BCL7C: variants seen among roughly 807,000 people sequenced by gnomAD.
BCL7C encodes BAF chromatin remodeling complex subunit BCL7C, also known as B-cell CLL/lymphoma 7 protein family member C.
BCL7C carries 8 observed loss-of-function variants against 26.2 expected under a neutral mutation model. The observed-to-expected ratio is 0.30, with a 90% CI of 0.18 to 0.55. The LOEUF (loss-of-function observed/expected upper bound fraction) is 0.55. Among genes scored for constraint, BCL7C ranks in the 20% least tolerant of loss-of-function variants. BCL7C has a pLI of 0.93. For synonymous variants in BCL7C, 90 were observed against 116.5 expected (o/e 0.77, Z 1.47); for missense variants, 262 against 298.5 (o/e 0.88, Z 0.90).
At chr16:30,844,977 G>A (rs2054625371) in intron 5 of BCL7C, among the ~76,000 whole-genome samples, 1 of 152,044 alleles carries the variant, frequency 6.6e-6, no homozygotes, top group Non-Finnish European at 1.5e-5. Context: ...GTTTTTCAGG[G>A]GCAGATCCCA....
chr16:30,891,972 G>T lies in BCL7C; in HGVS notation c.442+614C>A, dbSNP rs571669493. On this transcript the variant is annotated intron_variant, in intron 4 of 5. Coordinates refer to ENST00000215115, the MANE Select transcript of BCL7C (RefSeq NM_004765.4). Reference sequence around the variant, plus strand: ...GAGACCTTGTCTCTAAAAAAAAGGGGGGGGAGGGCCGGGTGTGGGTGTGAT... The same window carrying T: ...GAGACCTTGTCTCTAAAAAAAAGGGTGGGGAGGGCCGGGTGTGGGTGTGAT... Among the ~76,000 whole-genome samples the T allele has an allele frequency of 1.1e-4, 17 of 150,160 alleles. No individual in the cohort carries two copies. The South Asian group carries it at 2.5e-3, about 23-fold the overall frequency.
chr16:30,874,253 C>T (rs951086923), intron 5 of BCL7C, among the ~76,000 whole-genome samples: 1 of 152,044 alleles, frequency 6.6e-6, no homozygotes, highest in Non-Finnish European at 1.5e-5. Flanking sequence ...GACGTGGCCT[C>T]TTAAAGTGCT....
At chr16:30,891,418 T>C (rs1034884195) in intron 4 of BCL7C, among the ~76,000 whole-genome samples, 2 of 151,990 alleles carry the variant, frequency 1.3e-5, no homozygotes, top group African/African-American at 4.8e-5. Flanking sequence ...GCCAAGATTG[T>C]GCCGTCGCAC....
At chr16:30,885,799 G>A (rs1488187157), downstream of BCL7C, among the ~76,000 whole-genome samples, 1 of 152,178 alleles carries the variant, frequency 6.6e-6, no homozygotes, top group Non-Finnish European at 1.5e-5. Context: ...GGCTTCCCTG[G>A]ACAGCACTGG....
At chr16:30,882,935 G>A (rs1393357132), downstream of BCL7C, among the ~76,000 whole-genome samples, 11 of 152,192 alleles carry the variant, frequency 7.2e-5, no homozygotes, top group Non-Finnish European at 1.6e-4. Flanking sequence ...CTGGCTCCTG[G>A]GATGGTAGGA....
chr16:30,836,161 C>T (rs536808407), intron 5 of BCL7C, among the ~76,000 whole-genome samples: 1 of 152,078 alleles, frequency 6.6e-6, no homozygotes, highest in East Asian at 1.9e-4. Flanking sequence ...TGCTGAGGCA[C>T]GAGAATCGCT....
chr16:30,878,346 C>T (rs1255410743), intron 5 of BCL7C, among the ~76,000 whole-genome samples: 5 of 150,752 alleles, frequency 3.3e-5, no homozygotes, highest in Non-Finnish European at 5.9e-5. Context: ...CTGGCTAACA[C>T]GGTGAAACCC....
intron 5 of BCL7C, chr16:30,875,548 C>G (rs1467852647): frequency 6.6e-6 from 1 of 152,270 alleles, no homozygotes; most frequent in African/African-American, 2.4e-5. Flanking sequence ...CGAGCACAGC[C>G]CTGAGACAAG....
intron 5 of BCL7C, among the ~76,000 whole-genome samples, chr16:30,856,082 A>T (rs1203430585): frequency 6.7e-6 from 1 of 149,556 alleles, no homozygotes; most frequent in Admixed American, 6.7e-5. Context: ...AAAAAAAAAG[A>T]AGAAAGTTAT....
chr16:30,893,742 G>T lies in BCL7C; in HGVS notation c.92+111C>A. The T allele has an allele frequency of 1.1e-6, 1 of 902,096 alleles. No homozygotes were observed. The highest frequency in any genetic ancestry group is 1.8e-6 in the Non-Finnish European group (1 of 569,312). 55.9% of individuals were successfully genotyped at this position (902,096 alleles called of 1,614,324 possible). A position where few individuals can be genotyped will look rare whatever the true frequency, so the allele number is the denominator to read the frequency against. On this transcript the variant is annotated intron_variant, in intron 1 of 5. Transcript: ENST00000215115. This position sits in a 1 kb window ranked among gnomAD's most constrained non-coding sequence, Gnocchi z 5.2. Reference sequence around the variant, plus strand: ...CCTGTGGATCCAGGGCAAAGCTAGTGGGTGGAGATACACCGAACACCCGGG... The same window carrying T: ...CCTGTGGATCCAGGGCAAAGCTAGTTGGTGGAGATACACCGAACACCCGGG...
downstream of BCL7C, among the ~76,000 whole-genome samples, chr16:30,885,776 T>C (rs2055123835): frequency 6.6e-6 from 1 of 152,190 alleles, no homozygotes; most frequent in South Asian, 2.1e-4. Context: ...TTACACTACA[T>C]TGCAGCAAGC....
chr16:30,842,769 C>T (rs958778197), intron 5 of BCL7C, among the ~76,000 whole-genome samples: 2 of 152,080 alleles, frequency 1.3e-5, no homozygotes, highest in African/African-American at 2.4e-5. Flanking sequence ...AGGGTATCAC[C>T]GTGTCAGCCA....
intron 5 of BCL7C, among the ~76,000 whole-genome samples, chr16:30,839,376 G>T (rs193136873): frequency 6.6e-5 from 10 of 152,336 alleles, no homozygotes; most frequent in Non-Finnish European, 1.3e-4. Flanking sequence ...GATTCTAATA[G>T]ATGCTCCCCT....
intron 5 of BCL7C, among the ~76,000 whole-genome samples, chr16:30,836,889 G>A (rs2054572782): frequency 1.3e-5 from 2 of 151,522 alleles, no homozygotes; most frequent in African/African-American, 2.4e-5. Context: ...TGCCTACCAG[G>A]TTCAAGCGAT....
At chr16:30,879,386 C>G (rs1422233051) in intron 5 of BCL7C, among the ~76,000 whole-genome samples, 1 of 152,044 alleles carries the variant, frequency 6.6e-6, no homozygotes, top group East Asian at 1.9e-4. Context: ...GCAGAGTGAT[C>G]CTGGCCTATG....
downstream of BCL7C, among the ~76,000 whole-genome samples, chr16:30,886,817 C>T (rs2055139605): frequency 6.6e-6 from 1 of 152,116 alleles, no homozygotes; most frequent in South Asian, 2.1e-4. Flanking sequence ...TTCTTCAGGG[C>T]AGGGAATGGG....
intron 5 of BCL7C, among the ~76,000 whole-genome samples, chr16:30,857,673 A>G (rs1234980199): frequency 6.6e-6 from 1 of 152,084 alleles, no homozygotes; most frequent in Non-Finnish European, 1.5e-5. Flanking sequence ...TTTTTCTTGA[A>G]AAACCATGCC....
intron 5 of BCL7C, among the ~76,000 whole-genome samples, chr16:30,853,942 C>A (rs1006688107): frequency 6.6e-6 from 1 of 152,210 alleles, no homozygotes; most frequent in Non-Finnish European, 1.5e-5. Flanking sequence ...CATGGACCAA[C>A]CTTTTGAGTG....
chr16:30,875,030 C>A (rs1033880500), intron 5 of BCL7C, among the ~76,000 whole-genome samples: 1 of 152,176 alleles, frequency 6.6e-6, no homozygotes, highest in Non-Finnish European at 1.5e-5. Flanking sequence ...GTAACGCCCT[C>A]CTTCCCGGCC....
Sources: gnomAD v4.1 joint callset for allele counts (sites outside exome capture counted in the v4.1 genomes callset) on GRCh38, gnomAD v4.1.1 for gene constraint, Gnocchi (gnomAD v3.1) non-coding constraint, MANE v1.5 for transcripts, NCBI Gene and HGNC (gene_info 2026-07-23, HGNC 2026-07-21) for gene names.